The following PDE4C variants were observed in gnomAD, a reference collection of about 807,000 sequenced individuals.
The protein encoded by PDE4C is phosphodiesterase 4C, also known as 3',5'-cyclic-AMP phosphodiesterase 4C.
In PDE4C, 50 loss-of-function variants were observed where a neutral mutation model predicts 63.9. That is an observed-to-expected ratio of 0.78 (90% CI 0.62 to 0.99). The LOEUF is 0.99. Among genes scored for constraint, PDE4C ranks in the 50% least tolerant of loss-of-function variants. The pLI, the probability that PDE4C is intolerant of heterozygous loss-of-function variation, is 0.00. For missense variants in PDE4C, 777 were observed against 899.1 expected (o/e 0.86, Z 1.74); for synonymous variants, 377 against 385.1 (o/e 0.98, Z 0.25).
chr19:18,211,199 C>A, exon 15 of PDE4C: 1 of 1,613,834 alleles, frequency 6.2e-7, no homozygotes, highest in Non-Finnish European at 8.5e-7. Context: ...GCGTGTCCAG[C>A]AGGTCCTGTG....
chr19:18,240,151 T>TA (rs371483382), intron 1 of PDE4C, among the ~76,000 whole-genome samples: 2 of 151,096 alleles, frequency 1.3e-5, no homozygotes, highest in African/African-American at 4.9e-5. Flanking sequence ...AAAATAAAAA[T>TA]AAAAAAGCTG....
intron 12 of PDE4C, among the ~76,000 whole-genome samples, chr19:18,214,044 G>A (rs1032960982): frequency 2.6e-5 from 4 of 152,036 alleles, no homozygotes; most frequent in Non-Finnish European, 4.4e-5. Flanking sequence ...GGATCACGAG[G>A]TCAGGAGATC....
Position 18,216,462 on chromosome 19 carries a change from A to AC in PDE4C, c.1389+278dup, listed in dbSNP as rs201847673. 4.1e-3 allele frequency among the ~76,000 whole-genome samples: 618 copies of AC among 150,328 alleles called. 11 individuals are homozygous for AC. The East Asian group carries it at 0.044, about 11-fold the overall frequency. On this transcript the variant is annotated intron_variant, in intron 12 of 14. Coordinates refer to ENST00000262805, the Ensembl canonical transcript of PDE4C. ...GCTAATTTTTGTATTTTTAGTAGAG[A>AC]CGAGGTTTCACCATGTTGGTCAGGC...
exon 9 of PDE4C, chr19:18,218,987 G>A (rs774386403): frequency 6.2e-7 from 1 of 1,613,620 alleles, no homozygotes; most frequent in East Asian, 2.2e-5. Context: ...TTCCCACTTA[G>A]CTCCGCCACC....
intron 1 of PDE4C, among the ~76,000 whole-genome samples, chr19:18,242,963 C>T (rs1379239771): frequency 6.6e-6 from 1 of 151,998 alleles, no homozygotes; most frequent in Non-Finnish European, 1.5e-5. Context: ...AGAGCAGGGC[C>T]TATCCCTGGG....
In PDE4C at chr19:18,221,095, C is replaced by G. The variant is rs1213446817; in HGVS notation, c.449+10G>C. Reference sequence around the variant, plus strand: ...GGCCCCGCCCCCGCCCCGCCCCGCCCTCTACCTACTTGGCTGCTCCTAGGC... The same window carrying G: ...GGCCCCGCCCCCGCCCCGCCCCGCCGTCTACCTACTTGGCTGCTCCTAGGC... On this transcript the variant is annotated intron_variant, in intron 4 of 14. Coordinates refer to ENST00000262805, the Ensembl canonical transcript of PDE4C. 1.3e-6 allele frequency: 2 copies of G among 1,581,172 alleles called. No homozygotes were observed. The highest frequency in any genetic ancestry group is 1.1e-5 in the South Asian group (1 of 87,134).
At chr19:18,209,303 G>A, downstream of PDE4C, 1 of 151,672 alleles carries the variant, frequency 6.6e-6, no homozygotes, top group Admixed American at 6.6e-5. Context: ...CCAGGCTGGA[G>A]TGCAATGGCA....
At chr19:18,238,042 A>G (rs545668637), upstream of PDE4C, among the ~76,000 whole-genome samples, 69 of 152,132 alleles carry the variant, frequency 4.5e-4, no homozygotes, top group African/African-American at 1.6e-3. Context: ...TGAGTAAAAT[A>G]GTGAGACACT....
exon 15 of PDE4C, chr19:18,210,722 T>C (rs1207428202): frequency 6.8e-6 from 5 of 735,476 alleles, no homozygotes; most frequent in South Asian, 5.8e-5. Flanking sequence ...GAGAGCTCTT[T>C]TAGGCAAGTC....
At chr19:18,243,522 G>A (rs552455016) in intron 1 of PDE4C, among the ~76,000 whole-genome samples, 1 of 152,210 alleles carries the variant, frequency 6.6e-6, no homozygotes, top group Admixed American at 6.5e-5. Context: ...GGAAGCACCA[G>A]GCTTTGGGTG....
At position 18,219,410 on chromosome 19, in the gene PDE4C, C is replaced by A; in HGVS notation, c.707-13G>T. 1 of 1,576,538 alleles carries A rather than the reference C, an allele frequency of 6.3e-7. No individual in the cohort carries two copies. Among genetic ancestry groups the A allele is most frequent in the South Asian group, 1.2e-5 (1 of 85,266 alleles). The stretch of plus-strand genomic sequence containing the variant: ...TCGGTCTGCTGGTCTGCGGATGGGC[C>A]AGGGTGAAGCTCAGAGAAGCCGATT... On this transcript the variant is annotated splice_polypyrimidine_tract_variant and intron_variant, in intron 7 of 14. Transcript: ENST00000262805.
intron 14 of PDE4C, 52 bp from the exon 15 acceptor site, chr19:18,211,328 A>AG: frequency 6.9e-7 from 1 of 1,441,834 alleles, no homozygotes. Context: ...AGTGAACCCT[A>AG]GACTCAATCC....
In PDE4C at chr19:18,219,053, G is replaced by T. The variant is rs1363439673; in HGVS notation, c.871-15C>A. 3.7e-6 allele frequency: 6 copies of T among 1,605,808 alleles called. No individual in the cohort carries two copies. Among genetic ancestry groups the T allele is most frequent in the Non-Finnish European group, 4.3e-6 (5 of 1,173,632 alleles). On this transcript the variant is annotated splice_polypyrimidine_tract_variant and intron_variant, in intron 8 of 14. Transcript: ENST00000262805. ...TCTTCTAGCTCCTAAGATATGAAGG[G>T]CTGAAGCTTAATTAACCCCAGCCCA...
upstream of PDE4C, among the ~76,000 whole-genome samples, chr19:18,229,432 G>A (rs376484583): frequency 1.7e-4 from 26 of 152,064 alleles, no homozygotes; most frequent in East Asian, 5.0e-3. Context: ...GTAGAGACGG[G>A]GTTTCACCAT....
upstream of PDE4C, among the ~76,000 whole-genome samples, chr19:18,236,353 C>T (rs533308210): frequency 6.6e-6 from 1 of 152,276 alleles, no homozygotes; most frequent in South Asian, 2.1e-4. Flanking sequence ...AATTCTGCTC[C>T]TGAGTAGCTG....
At chr19:18,233,552 G>A (rs1264973278) in exon 1 of PDE4C, 2 of 536,418 alleles carry the variant, frequency 3.7e-6, no homozygotes, top group East Asian at 4.7e-5. Context: ...TTGGAGTGGA[G>A]AAGACAGAAA....
intron 1 of PDE4C, among the ~76,000 whole-genome samples, chr19:18,239,404 T>A (rs1251219058): frequency 6.6e-6 from 1 of 152,168 alleles, no homozygotes; most frequent in Non-Finnish European, 1.5e-5. Flanking sequence ...GCGCAACAGA[T>A]CTGGGTTCAA....
chr19:18,252,933 A>AC (rs1969248695), upstream of PDE4C, among the ~76,000 whole-genome samples: 1 of 151,962 alleles, frequency 6.6e-6, no homozygotes, highest in Non-Finnish European at 1.5e-5. Context: ...TAATTAATTT[A>AC]TTTTTTTGTC....
At chr19:18,213,531 G>C (rs114167297) in intron 12 of PDE4C, 41 bp from the exon 13 acceptor site, 70 of 1,586,844 alleles carry the variant, frequency 4.4e-5, no homozygotes, top group Non-Finnish European at 6.0e-5. Flanking sequence ...CGAGGACCCT[G>C]CCCACCCCAA....
Sources: allele counts gnomAD v4.1 joint callset (sites outside exome capture counted in the v4.1 genomes callset), GRCh38; gene constraint gnomAD v4.1.1; transcripts MANE v1.5; gene names NCBI Gene and HGNC (gene_info 2026-07-23, HGNC 2026-07-21).